Variants in AKAP6 observed in about 807,000 individuals in gnomAD.
AKAP6 encodes A-kinase anchoring protein 6, also known as A-kinase anchor protein 6.
Under a neutral mutation model 188.5 loss-of-function variants are expected in AKAP6, and 58 were observed. The observed-to-expected ratio is 0.31, with a 90% CI of 0.25 to 0.38. AKAP6 has a LOEUF of 0.38. AKAP6 is among the 10% of genes least tolerant of loss of function. AKAP6 has a pLI of 1.00. For missense variants in AKAP6, 2,710 were observed against 2,740.0 expected (o/e 0.99, Z 0.24); for synonymous variants, 989 against 998.6 (o/e 0.99, Z 0.18).
In AKAP6 at chr14:32,414,850, C is replaced by T. The variant is rs972828706; in HGVS notation, c.-34-18610C>T. On this transcript the variant is annotated intron_variant, in intron 1 of 13. Coordinates refer to ENST00000280979, the MANE Select transcript of AKAP6 (RefSeq NM_004274.5). ...TAGCTTTGCCCTAGCCACTGAATGA[C>T]CTTGAATAACTCACCAGGCTAATGC... is the stretch of plus-strand genomic sequence containing the variant. Among the ~76,000 whole-genome samples, 3 of 152,132 alleles carry T rather than the reference C, an allele frequency of 2.0e-5. No homozygotes were observed. The East Asian group carries it at 5.8e-4, about 29-fold the overall frequency.
intron 9 of AKAP6, among the ~76,000 whole-genome samples, chr14:32,698,883 G>A (rs148024189): frequency 6.6e-6 from 1 of 152,184 alleles, no homozygotes; most frequent in African/African-American, 2.4e-5. Context: ...GCTGAGTGAT[G>A]GCAAAAATCC....
intron 1 of AKAP6, among the ~76,000 whole-genome samples, chr14:32,361,071 T>TATATATATATATA (rs1213844124): frequency 1.5e-4 from 23 of 149,072 alleles, no homozygotes; most frequent in East Asian, 1.1e-3. Flanking sequence ...TATATATATA[T>TATATATATATATA]TTGAGAAGCT....
chr14:32,591,556 T>C (rs1885486296), intron 5 of AKAP6, among the ~76,000 whole-genome samples: 1 of 151,850 alleles, frequency 6.6e-6, no homozygotes, highest in African/African-American at 2.4e-5. Flanking sequence ...ACTTTCAAAT[T>C]CTTGGAAATG....
chr14:32,343,603 C>T (rs1886961971), intron 1 of AKAP6, among the ~76,000 whole-genome samples: 1 of 151,638 alleles, frequency 6.6e-6, no homozygotes, highest in South Asian at 2.1e-4. Flanking sequence ...AAAAAATTAG[C>T]CAGGCATGAT....
At chr14:32,512,457 C>G (rs567230018) in intron 2 of AKAP6, among the ~76,000 whole-genome samples, 58 of 152,248 alleles carry the variant, frequency 3.8e-4, no homozygotes, top group Admixed American at 1.4e-3. Context: ...CAACTGATTT[C>G]AAAACTGAAG....
intron 4 of AKAP6, among the ~76,000 whole-genome samples, chr14:32,564,142 T>C (rs1023817692): frequency 1.3e-5 from 2 of 152,162 alleles, no homozygotes; most frequent in Non-Finnish European, 2.9e-5. Context: ...GCTATGTAGA[T>C]AGTTGTTATA....
At chr14:32,521,253 A>G (rs1252199183) in intron 2 of AKAP6, among the ~76,000 whole-genome samples, 1 of 152,168 alleles carries the variant, frequency 6.6e-6, no homozygotes, top group Non-Finnish European at 1.5e-5. Flanking sequence ...AAAAACTGGA[A>G]GCATTCCCTT....
At chr14:32,543,953 C>T (rs1471041512) in intron 3 of AKAP6, among the ~76,000 whole-genome samples, 1 of 152,106 alleles carries the variant, frequency 6.6e-6, no homozygotes, top group Non-Finnish European at 1.5e-5. Context: ...TTAAATAAGG[C>T]TTTTTGTCTG....
chr14:32,788,040 C>CAAAAAAA (rs10606532), intron 12 of AKAP6, among the ~76,000 whole-genome samples: 1 of 96,344 alleles, frequency 1.0e-5, no homozygotes, highest in African/African-American at 3.9e-5. Flanking sequence ...GACCCCATCT[C>CAAAAAAA]AAAAAAAAAA....
intron 11 of AKAP6, among the ~76,000 whole-genome samples, chr14:32,756,641 T>A (rs1399992901): frequency 2.6e-5 from 4 of 152,112 alleles, no homozygotes; most frequent in Admixed American, 2.6e-4. Context: ...GGTTTGTGCA[T>A]AATGGCCTGG....
At chr14:32,805,102 G>T (rs1293595975) in intron 12 of AKAP6, among the ~76,000 whole-genome samples, 2 of 152,154 alleles carry the variant, frequency 1.3e-5, no homozygotes, top group Non-Finnish European at 2.9e-5. Context: ...TACATCCTCA[G>T]CTTACGAAGA....
Position 32,545,260 on chromosome 14 carries a change from GAC to G in AKAP6, c.608_609del (p.Asp203ValfsTer26), listed in dbSNP as rs1386863518. ...GCTTGATTCTCTAACAGAAGTGGAT[GAC>G]TCAGGACAATTAACCATCAAATGTT... ...GRLDSLTEVD[D>X]SGQLTIKCSQ... On this transcript the variant is annotated frameshift_variant, in exon 4 of 14. Transcript: ENST00000280979. LOFTEE classifies it high-confidence loss of function. The G allele has an allele frequency of 6.2e-7, 1 of 1,613,850 alleles. No homozygotes were observed. The highest frequency in any genetic ancestry group is 1.7e-5 in the Admixed American group (1 of 60,018).
chr14:32,345,050 A>T (rs1408751817), intron 1 of AKAP6, among the ~76,000 whole-genome samples: 1 of 152,176 alleles, frequency 6.6e-6, no homozygotes, highest in Admixed American at 6.5e-5. Flanking sequence ...ATGGCTGTGT[A>T]AAATGAATAT....
chr14:32,600,137 C>CTAG (rs1167044304), intron 6 of AKAP6, among the ~76,000 whole-genome samples: 1 of 152,098 alleles, frequency 6.6e-6, no homozygotes, highest in Admixed American at 6.6e-5. Flanking sequence ...TTGAGCTTAG[C>CTAG]ACAGCTAAAT....
chr14:32,488,969 G>A (rs993611028), intron 2 of AKAP6, among the ~76,000 whole-genome samples: 1 of 152,020 alleles, frequency 6.6e-6, no homozygotes, highest in Non-Finnish European at 1.5e-5. Flanking sequence ...CATCTTTCCC[G>A]GTAATCCCCT....
At chr14:32,682,605 A>G (rs967743836) in intron 8 of AKAP6, among the ~76,000 whole-genome samples, 6 of 152,216 alleles carry the variant, frequency 3.9e-5, no homozygotes, top group Non-Finnish European at 8.8e-5. Context: ...GGTGTGGAAA[A>G]TAAGGCTTTG....
intron 4 of AKAP6, among the ~76,000 whole-genome samples, chr14:32,573,990 G>A (rs1036261569): frequency 2.0e-5 from 3 of 152,170 alleles, no homozygotes; most frequent in East Asian, 3.8e-4. Flanking sequence ...AGGGGGCTGA[G>A]TGAAGTGGAA....
chr14:32,653,393 C>T (rs1299849368), intron 7 of AKAP6, among the ~76,000 whole-genome samples: 1 of 152,120 alleles, frequency 6.6e-6, no homozygotes, highest in African/African-American at 2.4e-5. Context: ...TGGCTTGGTG[C>T]TATCTTTCTG....
intron 12 of AKAP6, among the ~76,000 whole-genome samples, chr14:32,819,373 A>G (rs562818498): frequency 9.2e-5 from 14 of 152,280 alleles, no homozygotes; most frequent in Non-Finnish European, 2.1e-4. Context: ...TTCTTAGGAA[A>G]GTTTGCTAAC....
Sources: allele counts gnomAD v4.1 joint callset (sites outside exome capture counted in the v4.1 genomes callset), GRCh38; gene constraint gnomAD v4.1.1; transcripts MANE v1.5; gene names NCBI Gene and HGNC (gene_info 2026-07-23, HGNC 2026-07-21).